Variants in LRRC2 observed in about 807,000 individuals in gnomAD.
LRRC2 encodes leucine-rich repeat-containing protein 2.
Under a neutral mutation model 40.2 loss-of-function variants are expected in LRRC2, and 27 were observed. The observed-to-expected ratio is 0.67, with a 90% CI of 0.49 to 0.93. The LOEUF (loss-of-function observed/expected upper bound fraction) is 0.93. Ranked by LOEUF, LRRC2 falls within the 40% of genes least tolerant of loss-of-function variation. The pLI, the probability that LRRC2 is intolerant of heterozygous loss-of-function variation, is 0.00. For missense variants in LRRC2, 402 were observed against 439.6 expected, an observed-to-expected ratio of 0.91 and a Z score of 0.76; for synonymous variants, 147 against 158.9, an observed-to-expected ratio of 0.92 and a Z score of 0.56.
intron 7 of LRRC2, among the ~76,000 whole-genome samples, chr3:46,525,389 T>C (rs1348243662): frequency 6.6e-6 from 1 of 151,946 alleles, no homozygotes; most frequent in Non-Finnish European, 1.5e-5. Flanking sequence ...TACCTAGGAC[T>C]ACAGGGGCAT....
intron 1 of LRRC2, among the ~76,000 whole-genome samples, chr3:46,562,150 G>A (rs995860766): frequency 2.0e-5 from 3 of 152,266 alleles, no homozygotes; most frequent in African/African-American, 7.2e-5. Flanking sequence ...TGGCTTCTGA[G>A]ACTAGGTCTT....
intron 4 of LRRC2, among the ~76,000 whole-genome samples, chr3:46,536,888 T>C (rs1218101977): frequency 6.6e-6 from 1 of 152,178 alleles, no homozygotes; most frequent in African/African-American, 2.4e-5. Flanking sequence ...TGAACAAAGA[T>C]ACATATTAAA....
At chr3:46,564,804 C>G (rs537113394) in intron 1 of LRRC2, among the ~76,000 whole-genome samples, 1 of 152,338 alleles carries the variant, frequency 6.6e-6, no homozygotes, top group Non-Finnish European at 1.5e-5. Context: ...CAGCACCCTT[C>G]CAGGCGTGTC....
chr3:46,554,641 T>TAAA (rs34382739), intron 1 of LRRC2, among the ~76,000 whole-genome samples: 14 of 137,336 alleles, frequency 1.0e-4, no homozygotes, highest in Non-Finnish European at 1.9e-4. Flanking sequence ...GACTCTGTCT[T>TAAA]AAAAAAAAAA....
At chr3:46,529,419 A>T (rs1417044749) in intron 6 of LRRC2, among the ~76,000 whole-genome samples, 1 of 152,236 alleles carries the variant, frequency 6.6e-6, no homozygotes. Context: ...TGAACAAAAA[A>T]TAAAAATTTA....
chr3:46,561,024 T>C (rs955021482), intron 1 of LRRC2, among the ~76,000 whole-genome samples: 7 of 152,300 alleles, frequency 4.6e-5, no homozygotes, highest in Middle Eastern at 3.4e-3. Context: ...GAAAACTTGA[T>C]GGTAAATAAT....
chr3:46,554,641 TA>T (rs34382739), intron 1 of LRRC2, among the ~76,000 whole-genome samples: 1,934 of 137,254 alleles, frequency 0.014, 36 homozygotes, highest in African/African-American at 0.04. Flanking sequence ...GACTCTGTCT[TA>T]AAAAAAAAAA....
intron 2 of LRRC2, among the ~76,000 whole-genome samples, chr3:46,545,998 C>A (rs559425270): frequency 6.6e-6 from 1 of 152,158 alleles, no homozygotes; most frequent in Non-Finnish European, 1.5e-5. Context: ...CCTTCAAAAC[C>A]ATCAAACACA....
chr3:46,562,488 A>G (rs1398741991), intron 1 of LRRC2, among the ~76,000 whole-genome samples: 1 of 152,230 alleles, frequency 6.6e-6, no homozygotes, highest in Non-Finnish European at 1.5e-5. Flanking sequence ...TTATGCAGCA[A>G]TAAATAACCA....
intron 6 of LRRC2, among the ~76,000 whole-genome samples, chr3:46,529,054 C>T (rs1461369477): frequency 6.6e-6 from 1 of 151,786 alleles, no homozygotes; most frequent in Admixed American, 6.6e-5. Flanking sequence ...GCAGTCAAGG[C>T]TGCAGTGAGC....
Position 46,518,792 on chromosome 3 carries a change from A to G in LRRC2, c.*222T>C. 2.2e-6 allele frequency: 1 copy of G among 455,440 alleles called. No individual in the cohort carries two copies. The allele number at this position is 455,440 out of a possible 1,614,324, so 28.2% of individuals were successfully genotyped here. On this transcript the variant is annotated 3_prime_UTR_variant, in exon 9 of 9. Transcript: ENST00000395905. ...ATTTGGAAAAAAGTATATGCAAATGAACCTGGAAATATCAATATACAAACC... is the reference window on the plus strand; with the variant it reads ...ATTTGGAAAAAAGTATATGCAAATGGACCTGGAAATATCAATATACAAACC...
At chr3:46,545,966 A>C (rs6442003) in intron 2 of LRRC2, among the ~76,000 whole-genome samples, 12,270 of 152,244 alleles carry the variant, frequency 0.081, 574 homozygotes, top group South Asian at 0.17. Context: ...ATGTGATGCA[A>C]AACAAGATGT....
intron 1 of LRRC2, 141 bp from the exon 2 acceptor site, chr3:46,551,751 CTTT>C (rs748541390): frequency 9.0e-3 from 1,247 of 138,528 alleles, no homozygotes; most frequent in South Asian, 0.023. Flanking sequence ...TGACAGTTTG[CTTT>C]TTTTTTTTTT....
At chr3:46,534,686 T>C (rs1240368146) in intron 4 of LRRC2, among the ~76,000 whole-genome samples, 2 of 152,178 alleles carry the variant, frequency 1.3e-5, no homozygotes, top group South Asian at 2.1e-4. Flanking sequence ...GCACCACTCA[T>C]TGTCATTCTT....
intron 1 of LRRC2, chr3:46,559,687 A>G (rs1453454829): frequency 6.6e-6 from 1 of 152,248 alleles, no homozygotes; most frequent in Non-Finnish European, 1.5e-5. Flanking sequence ...GATCATGTCA[A>G]CAAAAAATGG....
intron 2 of LRRC2, among the ~76,000 whole-genome samples, chr3:46,549,262 T>C (rs763616692): frequency 1.3e-5 from 2 of 152,218 alleles, no homozygotes; most frequent in Non-Finnish European, 2.9e-5. Flanking sequence ...TTTTTCAACA[T>C]ATTAATTACT....
At chr3:46,527,667 G>A (rs1704084187) in intron 6 of LRRC2, 86 bp from the exon 7 acceptor site, 3 of 1,154,602 alleles carry the variant, frequency 2.6e-6, no homozygotes, top group Non-Finnish European at 3.8e-6. Flanking sequence ...ATTCTAACAG[G>A]AAGTCCCTAC....
chr3:46,535,439 T>C (rs1704253152), intron 4 of LRRC2, among the ~76,000 whole-genome samples: 1 of 152,210 alleles, frequency 6.6e-6, no homozygotes, highest in Non-Finnish European at 1.5e-5. Context: ...GACTTAAATC[T>C]GGTATAGAGA....
At chr3:46,551,307 G>T in intron 2 of LRRC2, 160 bp downstream of exon 2, 1 of 776,006 alleles carries the variant, frequency 1.3e-6, no homozygotes, top group Non-Finnish European at 2.0e-6. Flanking sequence ...CTGCGTATTT[G>T]TACTGAGCAA....
Sources: gnomAD v4.1 joint callset for allele counts (sites outside exome capture counted in the v4.1 genomes callset) on GRCh38, gnomAD v4.1.1 for gene constraint, MANE v1.5 for transcripts, NCBI Gene and HGNC (gene_info 2026-07-23, HGNC 2026-07-21) for gene names.